Variants in FAM167A observed in about 807,000 individuals in gnomAD.
FAM167A encodes the protein family with sequence similarity 167 member A, also known as protein FAM167A.
A neutral mutation model predicts 14.9 loss-of-function variants in FAM167A; 23 were observed. The ratio of observed to expected loss-of-function variants is 1.55; its 90% CI spans 1.11 to 2.19. FAM167A has a LOEUF of 2.19. FAM167A is among the 30% of genes most tolerant of loss of function. FAM167A has a pLI of 0.00. For synonymous variants in FAM167A, 174 were observed against 117.7 expected, an observed-to-expected ratio of 1.48 and a Z score of -3.10; for missense variants, 401 against 281.5, an observed-to-expected ratio of 1.42 and a Z score of -3.04.
chr8:11,453,187 G>A (rs909843427), intron 1 of FAM167A, among the ~76,000 whole-genome samples: 4 of 152,182 alleles, frequency 2.6e-5, no homozygotes, highest in African/African-American at 9.7e-5. Flanking sequence ...AAGTAACTTT[G>A]TTATTGAGAT....
At chr8:11,465,016 G>A (rs780562680) in intron 1 of FAM167A, among the ~76,000 whole-genome samples, 2 of 152,164 alleles carry the variant, frequency 1.3e-5, no homozygotes, top group Non-Finnish European at 2.9e-5. Flanking sequence ...AGTGCGCAGG[G>A]AGTCTGGGGG....
intron 1 of FAM167A, among the ~76,000 whole-genome samples, chr8:11,448,385 C>A (rs951156833): frequency 1.8e-4 from 27 of 152,258 alleles, no homozygotes; most frequent in African/African-American, 6.0e-4. Flanking sequence ...GCCTGGTCTA[C>A]AGGAAGCCCT....
chr8:11,453,757 C>T (rs77522813), intron 1 of FAM167A, among the ~76,000 whole-genome samples: 3,908 of 152,098 alleles, frequency 0.026, 94 homozygotes, highest in African/African-American at 0.06. Flanking sequence ...TCTGTGCTGT[C>T]CTATGACGCT....
Position 11,444,551 on chromosome 8 carries a change from CA to C in FAM167A, c.-141del, listed in dbSNP as rs1160845248. On this transcript the variant is annotated 5_prime_UTR_variant, in exon 2 of 3. Transcript: ENST00000284486. ...GCATTTCCGGGACAGGAGCCGGCCTCAGAGGCTGGGTGGCAGGGGAGCTGAG... is the reference window on the plus strand; with the variant it reads ...GCATTTCCGGGACAGGAGCCGGCCTCGAGGCTGGGTGGCAGGGGAGCTGAG... 4.8e-6 allele frequency: 7 copies of C among 1,466,818 alleles called. No homozygotes were observed. Among genetic ancestry groups the C allele is most frequent in the Non-Finnish European group, 6.3e-6 (7 of 1,116,872 alleles). 90.9% of individuals were successfully genotyped at this position (1,466,818 alleles called of 1,614,324 possible). A position where few individuals can be genotyped will look rare whatever the true frequency, so the allele number is the denominator to read the frequency against.
At chr8:11,461,790 ATC>A (rs1176473262) in intron 1 of FAM167A, among the ~76,000 whole-genome samples, 1 of 152,234 alleles carries the variant, frequency 6.6e-6, no homozygotes, top group Non-Finnish European at 1.5e-5. Context: ...TGTCCAGATG[ATC>A]TGATTTCTAT....
At chr8:11,458,032 C>T (rs529510008) in intron 1 of FAM167A, among the ~76,000 whole-genome samples, 10 of 152,126 alleles carry the variant, frequency 6.6e-5, no homozygotes, top group African/African-American at 2.4e-4. Flanking sequence ...GTGAAGTCAG[C>T]GAACAAAGTC....
chr8:11,421,632 G>T lies in FAM167A; in HGVS notation c.*2741C>A. On this transcript the variant is annotated 3_prime_UTR_variant, in exon 3 of 3. Transcript: ENST00000284486. ...GCTACAGGGTGTGGGTCTTGAACTCGGTCAGGCATCGTCAAGCCTGCCCAG... is the reference window on the plus strand; with the variant it reads ...GCTACAGGGTGTGGGTCTTGAACTCTGTCAGGCATCGTCAAGCCTGCCCAG... The T allele has an allele frequency of 5.0e-6, 2 of 398,400 alleles. No homozygotes were observed. Among genetic ancestry groups the T allele is most frequent in the Middle Eastern group, 6.3e-4 (1 of 1,588 alleles). The allele number at this position is 398,400 out of a possible 1,614,324, so 24.7% of individuals were successfully genotyped here. A position where few individuals can be genotyped will look rare whatever the true frequency, so the allele number is the denominator to read the frequency against.
At chr8:11,474,429 T>C (rs1411549339) in intron 1 of FAM167A, among the ~76,000 whole-genome samples, 1 of 152,052 alleles carries the variant, frequency 6.6e-6, no homozygotes, top group Non-Finnish European at 1.5e-5. Flanking sequence ...TCAGCCACAG[T>C]TTTTGGGCAC....
chr8:11,462,116 G>T (rs910357506), intron 1 of FAM167A, among the ~76,000 whole-genome samples: 1 of 152,248 alleles, frequency 6.6e-6, no homozygotes, highest in Admixed American at 6.5e-5. Flanking sequence ...TGGGATGTGT[G>T]ACTTTGCTTC....
chr8:11,461,608 C>T (rs986983157), intron 1 of FAM167A, among the ~76,000 whole-genome samples: 10 of 152,366 alleles, frequency 6.6e-5, no homozygotes, highest in African/African-American at 1.9e-4. Context: ...GCTAAGGACA[C>T]GGGGGATGTG....
chr8:11,424,510 C>A lies in FAM167A; in HGVS notation c.508G>T (p.Glu170Ter). The A allele has an allele frequency of 1.9e-6, 3 of 1,614,086 alleles. No homozygotes were observed. The highest frequency in any genetic ancestry group is 2.5e-6 in the Non-Finnish European group (3 of 1,179,936). ...GCCAGCTCATCCCGCTCCTCCAGCT[C>A]GTAGGTGGCATCGTTGAGCATCCTC... The part of the protein sequence containing the change: ...HRRMLNDATY[E>*]LEERDELADL... Residue 170 changes from glutamate to a stop codon, truncating the protein, a stop_gained, in exon 3 of 3, where the codon GAG becomes TAG. Transcript: ENST00000284486. LOFTEE classifies it high-confidence loss of function.
At chr8:11,449,753 A>G (rs1806949521) in intron 1 of FAM167A, among the ~76,000 whole-genome samples, 1 of 152,138 alleles carries the variant, frequency 6.6e-6, no homozygotes, top group African/African-American at 2.4e-5. Context: ...ACACACAGAG[A>G]CTGCTGTTCC....
chr8:11,431,060 C>T (rs1248865835), intron 2 of FAM167A, among the ~76,000 whole-genome samples: 1 of 152,198 alleles, frequency 6.6e-6, no homozygotes, highest in African/African-American at 2.4e-5. Context: ...ACTCCAGGTA[C>T]ACACCCCAAA....
At chr8:11,445,380 T>G in intron 1 of FAM167A, 1 of 985,936 alleles carries the variant, frequency 1.0e-6, no homozygotes, top group Middle Eastern at 5.2e-4. Context: ...CAGGTCTTAC[T>G]CTACGCTCCT....
chr8:11,424,719 C>G (rs538682492), intron 2 of FAM167A, 83 bp from the exon 3 acceptor site: 4 of 1,538,248 alleles, frequency 2.6e-6, no homozygotes, highest in Admixed American at 1.9e-5. Flanking sequence ...AGGGCCCTGA[C>G]TAATGTCTTA....
At chr8:11,475,390 TA>T (rs1409574183) in intron 1 of FAM167A, among the ~76,000 whole-genome samples, 2 of 152,230 alleles carry the variant, frequency 1.3e-5, no homozygotes, top group East Asian at 3.9e-4. Flanking sequence ...AGTGTCTGCA[TA>T]AAAGCCTCTC....
At chr8:11,436,245 CAG>C (rs1806002454) in intron 2 of FAM167A, among the ~76,000 whole-genome samples, 1 of 152,200 alleles carries the variant, frequency 6.6e-6, no homozygotes, top group African/African-American at 2.4e-5. Flanking sequence ...CCCTCCCACT[CAG>C]GGGTGTCCTT....
chr8:11,467,641 G>C (rs1180478588), upstream of FAM167A: 1 of 152,378 alleles, frequency 6.6e-6, no homozygotes, highest in African/African-American at 2.4e-5. Flanking sequence ...GGCCAGACGC[G>C]AAGCTGAGTG....
chr8:11,425,877 C>A (rs1446494579), intron 2 of FAM167A, among the ~76,000 whole-genome samples: 1 of 152,174 alleles, frequency 6.6e-6, no homozygotes, highest in African/African-American at 2.4e-5. Context: ...AATGGCCCTG[C>A]AAAACCATCT....
Sources: gnomAD v4.1 joint callset for allele counts (sites outside exome capture counted in the v4.1 genomes callset) on GRCh38, gnomAD v4.1.1 for gene constraint, MANE v1.5 for transcripts, NCBI Gene and HGNC (gene_info 2026-07-23, HGNC 2026-07-21) for gene names.